ATP8B4: variants seen among roughly 807,000 people sequenced by gnomAD.
ATP8B4 encodes ATPase phospholipid transporting 8B4 (putative), also known as probable phospholipid-transporting ATPase IM.
In ATP8B4, 133 loss-of-function variants were observed where a neutral mutation model predicts 145.6. The observed-to-expected ratio is 0.91, with a 90% confidence interval of 0.79 to 1.05. The LOEUF is 1.05. ATP8B4 is among the 50% of genes least tolerant of loss of function. ATP8B4 has a pLI of 0.00. For synonymous variants in ATP8B4, 507 were observed against 492.9 expected, an observed-to-expected ratio of 1.03 and a Z score of -0.38; for missense variants, 1,458 against 1,425.2, an observed-to-expected ratio of 1.02 and a Z score of -0.37.
At chr15:50,122,205 A>C (rs2057276947), upstream of ATP8B4, among the ~76,000 whole-genome samples, 2 of 152,286 alleles carry the variant, frequency 1.3e-5, no homozygotes, top group South Asian at 4.1e-4. Flanking sequence ...GGCCTGGCCT[A>C]TAGTTTGAAA....
intron 23 of ATP8B4, among the ~76,000 whole-genome samples, chr15:49,892,388 C>T (rs920110270): frequency 6.6e-6 from 1 of 152,052 alleles, no homozygotes; most frequent in South Asian, 2.1e-4. Flanking sequence ...GAAGTTTAAA[C>T]GTAAACCCTT....
chr15:50,111,187 A>T (rs1378307783), intron 1 of ATP8B4, among the ~76,000 whole-genome samples: 3 of 152,228 alleles, frequency 2.0e-5, no homozygotes, highest in Non-Finnish European at 2.9e-5. Flanking sequence ...TAAGCAAAGA[A>T]TTAAAATGGA....
chr15:50,141,910 G>A (rs970868452), intron 1 of ATP8B4, among the ~76,000 whole-genome samples: 1 of 152,196 alleles, frequency 6.6e-6, no homozygotes, highest in Non-Finnish European at 1.5e-5. Context: ...TGTGAGAGAG[G>A]TGTTGCGGTA....
chr15:50,151,569 G>A lies in ATP8B4; in HGVS notation c.-43+30692C>T, dbSNP rs544200411. 6.6e-5 allele frequency among the ~76,000 whole-genome samples: 10 copies of A among 152,160 alleles called. No individual in the cohort carries two copies. In the South Asian group the frequency reaches 2.1e-3, roughly 32 times the overall value. ...GAAAGACCTCTGACATGGTCAACAT[G>A]GCGAAACTCCATCTCTACGAAAAAT... On this transcript the variant is annotated intron_variant, in intron 1 of 3. Transcript: ENST00000558829.
intron 21 of ATP8B4, among the ~76,000 whole-genome samples, chr15:49,898,598 C>A (rs1215962628): frequency 6.6e-6 from 1 of 152,180 alleles, no homozygotes; most frequent in East Asian, 1.9e-4. Context: ...AAAGACAGAA[C>A]CTATCTACCA....
chr15:50,169,029 C>A (rs2044632880), intron 1 of ATP8B4, among the ~76,000 whole-genome samples: 1 of 152,180 alleles, frequency 6.6e-6, no homozygotes, highest in South Asian at 2.1e-4. Context: ...CAGCAAGACC[C>A]GCCCAAGGAG....
intron 25 of ATP8B4, 132 bp from the exon 26 acceptor site, chr15:49,866,616 G>T: frequency 3.0e-6 from 3 of 1,013,066 alleles, no homozygotes; most frequent in Non-Finnish European, 4.4e-6. Flanking sequence ...CCAACCGCGG[G>T]CATCCCCACT....
chr15:50,108,454 A>T (rs1031785564), intron 1 of ATP8B4, among the ~76,000 whole-genome samples: 2 of 152,128 alleles, frequency 1.3e-5, no homozygotes, highest in Non-Finnish European at 2.9e-5. Flanking sequence ...ACCTTCTGCG[A>T]CTTGATCCCT....
At chr15:49,890,870 G>T (rs2036712560) in intron 23 of ATP8B4, among the ~76,000 whole-genome samples, 1 of 152,192 alleles carries the variant, frequency 6.6e-6, no homozygotes, top group Non-Finnish European at 1.5e-5. Flanking sequence ...ACTCCCATGT[G>T]GGGTGTGGCT....
At chr15:50,047,322 A>T (rs376760557) in intron 4 of ATP8B4, 29 bp downstream of exon 4, 2 of 1,344,858 alleles carry the variant, frequency 1.5e-6, no homozygotes, top group African/African-American at 2.9e-5. Flanking sequence ...AAACAAACAG[A>T]TAATAGAGAA....
At chr15:50,167,144 G>C (rs1170831598) in intron 1 of ATP8B4, among the ~76,000 whole-genome samples, 1 of 151,916 alleles carries the variant, frequency 6.6e-6, no homozygotes, top group Non-Finnish European at 1.5e-5. Context: ...TTTCACCATT[G>C]TGCATCCTAG....
intron 2 of ATP8B4, among the ~76,000 whole-genome samples, chr15:50,105,042 C>A (rs1217015339): frequency 6.6e-6 from 1 of 151,880 alleles, no homozygotes; most frequent in East Asian, 1.9e-4. Context: ...TAAGTGGGAG[C>A]TAAGCTATGA....
At chr15:50,149,841 C>T (rs932202902) in intron 1 of ATP8B4, among the ~76,000 whole-genome samples, 11 of 152,126 alleles carry the variant, frequency 7.2e-5, no homozygotes, top group African/African-American at 2.7e-4. Flanking sequence ...TGGCTCATGC[C>T]TGTAATCCCA....
At chr15:50,104,365 C>T (rs557464491) in intron 2 of ATP8B4, among the ~76,000 whole-genome samples, 2 of 152,090 alleles carry the variant, frequency 1.3e-5, no homozygotes, top group Non-Finnish European at 2.9e-5. Context: ...CTACAAGGAA[C>T]TCAAACAAAT....
intron 22 of ATP8B4, 95 bp downstream of exon 22, chr15:49,897,973 A>T: frequency 7.3e-7 from 1 of 1,365,744 alleles, no homozygotes; most frequent in Non-Finnish European, 1.0e-6. Flanking sequence ...TGGCAAAATT[A>T]AATTTTAATG....
chr15:50,092,588 A>C (rs1415728345), intron 2 of ATP8B4, among the ~76,000 whole-genome samples: 5 of 152,048 alleles, frequency 3.3e-5, no homozygotes, highest in African/African-American at 9.6e-5. Flanking sequence ...TCAGAATTCA[A>C]CATATGAACA....
At chr15:49,886,832 CAG>C (rs949642115) in intron 23 of ATP8B4, among the ~76,000 whole-genome samples, 15 of 148,962 alleles carry the variant, frequency 1.0e-4, no homozygotes, top group Admixed American at 6.7e-4. Flanking sequence ...TTTTTTGAGA[CAG>C]AGTTTCACTC....
intron 4 of ATP8B4, among the ~76,000 whole-genome samples, chr15:50,044,927 A>G (rs1216636640): frequency 1.3e-5 from 2 of 152,154 alleles, no homozygotes; most frequent in Non-Finnish European, 2.9e-5. Flanking sequence ...GCAAGGGGAG[A>G]AGCTTCTTGA....
chr15:49,895,499 T>C (rs533414171), intron 23 of ATP8B4: 3 of 152,252 alleles, frequency 2.0e-5, no homozygotes, highest in Non-Finnish European at 2.9e-5. Context: ...GAGATTTCAG[T>C]GTAAAAAAAC....
Sources: gnomAD v4.1 joint callset for allele counts (sites outside exome capture counted in the v4.1 genomes callset) on GRCh38, gnomAD v4.1.1 for gene constraint, MANE v1.5 for transcripts, NCBI Gene and HGNC (gene_info 2026-07-23, HGNC 2026-07-21) for gene names.